The following JARID2 variants were observed in gnomAD, a reference collection of about 807,000 sequenced individuals.
JARID2 encodes the protein protein Jumonji.
A neutral mutation model predicts 125.6 loss-of-function variants in JARID2; 21 were observed. The observed-to-expected ratio is 0.17, with a 90% CI of 0.12 to 0.24. The LOEUF is 0.24. Ranked by LOEUF, JARID2 falls within the 10% of genes least tolerant of loss-of-function variation. The pLI, the probability that JARID2 is intolerant of heterozygous loss-of-function variation, is 1.00. For synonymous variants in JARID2, 736 were observed against 661.6 expected (o/e 1.11, Z -1.73); for missense variants, 1,303 against 1,639.6 (o/e 0.79, Z 3.55).
intron 1 of JARID2, among the ~76,000 whole-genome samples, chr6:15,251,160 C>T (rs1759434422): frequency 6.6e-6 from 1 of 152,024 alleles, no homozygotes; most frequent in African/African-American, 2.4e-5. Context: ...TACAGGCACC[C>T]CCTATCATGT....
At chr6:15,288,199 G>A (rs1467416847) in intron 1 of JARID2, among the ~76,000 whole-genome samples, 1 of 151,922 alleles carries the variant, frequency 6.6e-6, no homozygotes, top group Non-Finnish European at 1.5e-5. Context: ...TTTGCAGGCT[G>A]TACACAAAAC....
chr6:15,475,419 C>A (rs995172015), intron 5 of JARID2, among the ~76,000 whole-genome samples: 2 of 152,194 alleles, frequency 1.3e-5, no homozygotes, highest in African/African-American at 2.4e-5. Flanking sequence ...CTGGAGAGCA[C>A]CACATCTCAG....
At chr6:15,346,902 A>G (rs570749034) in intron 1 of JARID2, among the ~76,000 whole-genome samples, 22 of 151,294 alleles carry the variant, frequency 1.5e-4, no homozygotes, top group Admixed American at 2.6e-4. Context: ...CACCCATCTA[A>G]TTTTTGTATT....
chr6:15,338,245 G>GGGAC (rs1168325413), intron 1 of JARID2, among the ~76,000 whole-genome samples: 1 of 152,136 alleles, frequency 6.6e-6, no homozygotes, highest in African/African-American at 2.4e-5. Context: ...AAGGGAATGA[G>GGGAC]GGACGCCTCT....
intron 4 of JARID2, among the ~76,000 whole-genome samples, chr6:15,453,014 T>G (rs1392692431): frequency 6.6e-6 from 1 of 152,194 alleles, no homozygotes; most frequent in Non-Finnish European, 1.5e-5. Context: ...TTTTGATAAT[T>G]TATTATTACA....
intron 1 of JARID2, among the ~76,000 whole-genome samples, chr6:15,373,057 G>GTAGGTGTA (rs1322367066): frequency 4.7e-4 from 72 of 152,306 alleles, no homozygotes; most frequent in Admixed American, 6.5e-4. Flanking sequence ...TAAGTCTGAT[G>GTAGGTGTA]TAGGTGTGTG....
At chr6:15,352,557 G>C (rs529922936) in intron 1 of JARID2, among the ~76,000 whole-genome samples, 11 of 152,250 alleles carry the variant, frequency 7.2e-5, no homozygotes, top group Admixed American at 2.0e-4. Flanking sequence ...TGCATCTTGG[G>C]GTTTCCTTGC....
chr6:15,326,317 C>T (rs1345675160), intron 1 of JARID2, among the ~76,000 whole-genome samples: 6 of 152,094 alleles, frequency 3.9e-5, no homozygotes, highest in African/African-American at 7.2e-5. Flanking sequence ...GCAATACTCT[C>T]GCCTCAGCCT....
chr6:15,267,426 G>A (rs1760129390), intron 1 of JARID2, among the ~76,000 whole-genome samples: 1 of 152,170 alleles, frequency 6.6e-6, no homozygotes, highest in African/African-American at 2.4e-5. Flanking sequence ...ATAAACAGCA[G>A]TAGGTGCCCA....
At chr6:15,283,605 G>T (rs138455556) in intron 1 of JARID2, among the ~76,000 whole-genome samples, 213 of 151,858 alleles carry the variant, frequency 1.4e-3, no homozygotes, top group African/African-American at 5.0e-3. Flanking sequence ...GCCTCCCAAA[G>T]TGCTGGGATT....
At chr6:15,491,230 T>C (rs894780776) in intron 6 of JARID2, among the ~76,000 whole-genome samples, 19 of 152,222 alleles carry the variant, frequency 1.2e-4, no homozygotes, top group African/African-American at 4.6e-4. Flanking sequence ...GGTGGGGTAT[T>C]TGTGACTCAG....
At chr6:15,386,300 A>G (rs140815997) in intron 2 of JARID2, among the ~76,000 whole-genome samples, 1,442 of 127,416 alleles carry the variant, frequency 0.011, 26 homozygotes, top group African/African-American at 0.04. Flanking sequence ...CCCTCTCTCT[A>G]CTTCTGTGTG....
chr6:15,401,486 T>G (rs1056658549), intron 2 of JARID2, among the ~76,000 whole-genome samples: 2 of 152,222 alleles, frequency 1.3e-5, no homozygotes, highest in Non-Finnish European at 2.9e-5. Context: ...TTAAAGTTAA[T>G]TAGTTCATCC....
chr6:15,259,198 T>G (rs1037691725), intron 1 of JARID2, among the ~76,000 whole-genome samples: 9 of 152,230 alleles, frequency 5.9e-5, no homozygotes, highest in African/African-American at 2.2e-4. Context: ...CCTTTTATTC[T>G]CCAGGCAAGA....
chr6:15,307,305 T>C (rs932119710), intron 1 of JARID2, among the ~76,000 whole-genome samples: 1 of 151,990 alleles, frequency 6.6e-6, no homozygotes, highest in African/African-American at 2.4e-5. Flanking sequence ...CACTGCAGCC[T>C]CTGCACCCCC....
chr6:15,469,572 A>G (rs1259802618), intron 5 of JARID2, among the ~76,000 whole-genome samples: 3 of 150,336 alleles, frequency 2.0e-5, no homozygotes, highest in African/African-American at 4.9e-5. Flanking sequence ...AGCTGGGACT[A>G]CAGGCCCCCA....
chr6:15,503,039 C>T (rs149219570), intron 8 of JARID2, among the ~76,000 whole-genome samples: 131 of 152,344 alleles, frequency 8.6e-4, no homozygotes, highest in African/African-American at 3.0e-3. Context: ...ATGTTTGATT[C>T]AAATAAGAGG....
rs1333168305 is a variant in JARID2 at position 15,508,386 on chromosome 6, A to C, written c.2778A>C (p.Ser926=). ...WLNIGMVFST[S]CWSRDQNHLP... ...ATATTGGCATGGTCTTTTCTACCTC[A>C]TGCTGGTCTCGAGACCAAAATCACC... The change falls in exon 12 of 18, where the codon TCA becomes TCC. Residue 926 remains serine, a synonymous_variant. Transcript: ENST00000341776. 1.6e-5 allele frequency: 26 copies of C among 1,611,224 alleles called. No homozygotes were observed. The highest frequency in any genetic ancestry group is 2.1e-5 in the Non-Finnish European group (25 of 1,177,344).
At chr6:15,504,782 G>C (rs1770915325) in intron 9 of JARID2, among the ~76,000 whole-genome samples, 190 bp downstream of exon 9, 1 of 152,142 alleles carries the variant, frequency 6.6e-6, no homozygotes, top group African/African-American at 2.4e-5. Context: ...ATCTAAACTT[G>C]TTCACAAGCC....
Sources: allele counts gnomAD v4.1 joint callset (sites outside exome capture counted in the v4.1 genomes callset), GRCh38; gene constraint gnomAD v4.1.1; transcripts MANE v1.5; gene names NCBI Gene and HGNC (gene_info 2026-07-23, HGNC 2026-07-21).